ZFPM2: variants seen among roughly 807,000 people sequenced by gnomAD.
ZFPM2 encodes the protein zinc finger protein ZFPM2.
Under a neutral mutation model 98.6 loss-of-function variants are expected in ZFPM2, and 20 were observed. The ratio of observed to expected loss-of-function variants is 0.20; its 90% CI spans 0.14 to 0.29. The LOEUF is 0.29. ZFPM2 is among the 10% of genes least tolerant of loss of function. The probability of loss-of-function intolerance (pLI) is 1.00; values close to 1 mark genes in which losing one functional copy is unlikely to be tolerated. For missense variants in ZFPM2, 1,310 were observed against 1,388.6 expected (o/e 0.94, Z 0.90); for synonymous variants, 518 against 502.7 (o/e 1.03, Z -0.41).
chr8:105,618,650 A>G (rs1242656891), intron 4 of ZFPM2, among the ~76,000 whole-genome samples: 1 of 152,166 alleles, frequency 6.6e-6, no homozygotes, highest in African/African-American at 2.4e-5. Flanking sequence ...CACATTGCAT[A>G]TATTAACTCA....
intron 3 of ZFPM2, among the ~76,000 whole-genome samples, chr8:105,557,143 C>G (rs1367310003): frequency 6.6e-6 from 1 of 152,148 alleles, no homozygotes; most frequent in Non-Finnish European, 1.5e-5. Context: ...TTCTATGTCT[C>G]TTGCCAATTC....
At chr8:105,482,317 C>G (rs1343694363) in intron 3 of ZFPM2, among the ~76,000 whole-genome samples, 4 of 152,022 alleles carry the variant, frequency 2.6e-5, no homozygotes, top group Non-Finnish European at 5.9e-5. Context: ...TACACTTTCT[C>G]TATTCCTTTT....
chr8:105,729,369 A>G (rs1811879747), intron 5 of ZFPM2, among the ~76,000 whole-genome samples: 1 of 151,228 alleles, frequency 6.6e-6, no homozygotes, highest in Non-Finnish European at 1.5e-5. Flanking sequence ...TTTCATTGTC[A>G]TTGTTGTGTG....
At chr8:105,691,982 G>C (rs1283586762) in intron 5 of ZFPM2, among the ~76,000 whole-genome samples, 1 of 152,106 alleles carries the variant, frequency 6.6e-6, no homozygotes, top group Non-Finnish European at 1.5e-5. Context: ...AAAACATTTA[G>C]GCAAAAAGCT....
chr8:105,330,569 CATATATATATACATAT>C (rs1483448486), intron 1 of ZFPM2, among the ~76,000 whole-genome samples: 5 of 52,662 alleles, frequency 9.5e-5, no homozygotes, highest in Admixed American at 2.9e-4. Flanking sequence ...TATATATATA[CATATATATATACATAT>C]ATATATATAC....
chr8:105,743,623 G>A (rs1323289891), intron 5 of ZFPM2, among the ~76,000 whole-genome samples: 2 of 152,014 alleles, frequency 1.3e-5, no homozygotes, highest in Admixed American at 1.3e-4. Context: ...GACTCTCTTT[G>A]CCAAACAGTG....
chr8:105,691,607 A>G (rs1030808977), intron 5 of ZFPM2, among the ~76,000 whole-genome samples: 12 of 152,004 alleles, frequency 7.9e-5, no homozygotes, highest in African/African-American at 2.9e-4. Context: ...CCCCACAGTT[A>G]CCTAATAATT....
intron 5 of ZFPM2, among the ~76,000 whole-genome samples, chr8:105,694,968 C>T (rs1251697415): frequency 2.0e-5 from 3 of 152,008 alleles, no homozygotes; most frequent in African/African-American, 7.2e-5. Context: ...TATATTATGT[C>T]TCATTTACTT....
chr8:105,629,162 G>T (rs1205113554), intron 4 of ZFPM2, among the ~76,000 whole-genome samples: 1 of 152,172 alleles, frequency 6.6e-6, no homozygotes, highest in Admixed American at 6.5e-5. Flanking sequence ...GGTCCCACTG[G>T]CACTGAAGCG....
At chr8:105,366,887 G>A (rs3963961) in intron 1 of ZFPM2, among the ~76,000 whole-genome samples, 35,978 of 148,158 alleles carry the variant, frequency 0.24, 5,435 homozygotes, top group Admixed American at 0.4. Context: ...AATCCATCTT[G>A]AATTGATTTT....
intron 1 of ZFPM2, among the ~76,000 whole-genome samples, chr8:105,359,295 G>A (rs1812808765): frequency 6.6e-6 from 1 of 151,616 alleles, no homozygotes; most frequent in Non-Finnish European, 1.5e-5. Context: ...AGAACTGTGA[G>A]TCAATTAAAC....
At chr8:105,641,664 G>T (rs1816950855) in intron 5 of ZFPM2, among the ~76,000 whole-genome samples, 3 of 152,008 alleles carry the variant, frequency 2.0e-5, no homozygotes, top group Admixed American at 6.6e-5. Context: ...TGTTATGTTA[G>T]TGATTTATTG....
chr8:105,520,640 T>G (rs1372588745), intron 3 of ZFPM2, among the ~76,000 whole-genome samples: 1 of 152,024 alleles, frequency 6.6e-6, no homozygotes, highest in Non-Finnish European at 1.5e-5. Flanking sequence ...GATGGTTGAT[T>G]GTGATAAGCA....
rs553605169 is a variant in ZFPM2, at chr8:105,728,267, C to G, written c.533-60451C>G. 2.0e-5 allele frequency among the ~76,000 whole-genome samples: 3 copies of G among 149,872 alleles called. No homozygotes were observed. In the Admixed American group the frequency reaches 2.0e-4, roughly 10 times the overall value. ...TAGAGAGATTTTATTTCCAGTGGTT[C>G]AAGATCCTTGATATAAATGTCTGTA... On this transcript the variant is annotated intron_variant, in intron 5 of 7. Coordinates refer to ENST00000407775, the MANE Select transcript of ZFPM2 (RefSeq NM_012082.4).
chr8:105,627,364 G>A (rs895552826), intron 4 of ZFPM2, among the ~76,000 whole-genome samples: 3 of 152,058 alleles, frequency 2.0e-5, no homozygotes, highest in African/African-American at 4.8e-5. Flanking sequence ...ACCGTGTCCA[G>A]GAGTGTAGAA....
At chr8:105,460,758 A>G (rs1563669779) in intron 3 of ZFPM2, among the ~76,000 whole-genome samples, 1 of 150,532 alleles carries the variant, frequency 6.6e-6, no homozygotes, top group Non-Finnish European at 1.5e-5. Context: ...TTATGGTTAT[A>G]CATACAAAAT....
intron 3 of ZFPM2, among the ~76,000 whole-genome samples, chr8:105,548,837 A>C (rs1814774984): frequency 6.6e-6 from 1 of 152,168 alleles, no homozygotes; most frequent in African/African-American, 2.4e-5. Context: ...AAGTCACATA[A>C]GGAAAAAGTC....
At chr8:105,588,277 C>T (rs1815768142) in intron 4 of ZFPM2, among the ~76,000 whole-genome samples, 1 of 152,064 alleles carries the variant, frequency 6.6e-6, no homozygotes, top group African/African-American at 2.4e-5. Context: ...GCAACTCAGT[C>T]TCTGATGCGG....
intron 3 of ZFPM2, among the ~76,000 whole-genome samples, chr8:105,484,492 T>G (rs924022709): frequency 1.3e-5 from 2 of 152,192 alleles, no homozygotes; most frequent in South Asian, 2.1e-4. Flanking sequence ...AAGTCATTAA[T>G]AATTTTAAAT....
Sources: gnomAD v4.1 joint callset for allele counts (sites outside exome capture counted in the v4.1 genomes callset) on GRCh38, gnomAD v4.1.1 for gene constraint, MANE v1.5 for transcripts, NCBI Gene and HGNC (gene_info 2026-07-23, HGNC 2026-07-21) for gene names.